Variants in ANKRD17 observed in about 807,000 individuals in gnomAD.
ANKRD17 encodes the protein ankyrin repeat domain 17, also known as ankyrin repeat domain-containing protein 17.
In ANKRD17, 19 loss-of-function variants were observed where a neutral mutation model predicts 229.7. The observed-to-expected ratio is 0.08, with a 90% CI of 0.06 to 0.12. The LOEUF (loss-of-function observed/expected upper bound fraction) is 0.12. Ranked by LOEUF, ANKRD17 falls within the 10% of genes least tolerant of loss-of-function variation. The pLI, the probability that ANKRD17 is intolerant of heterozygous loss-of-function variation, is 1.00. For missense variants in ANKRD17, 2,176 were observed against 3,176.8 expected (o/e 0.68, Z 7.57); for synonymous variants, 1,112 against 1,146.1 (o/e 0.97, Z 0.60).
chr4:73,124,341 G>T (rs995317014), intron 18 of ANKRD17, among the ~76,000 whole-genome samples: 23 of 135,044 alleles, frequency 1.7e-4, no homozygotes, highest in African/African-American at 6.2e-4. Context: ...AGATACATAA[G>T]TGAGTGTAAA....
intron 1 of ANKRD17, among the ~76,000 whole-genome samples, chr4:73,178,630 A>T (rs1255484236): frequency 6.6e-6 from 1 of 152,100 alleles, no homozygotes; most frequent in Non-Finnish European, 1.5e-5. Flanking sequence ...GTCAAGTAAC[A>T]TCTCAATATT....
rs113756573 is a variant in ANKRD17 at position 73,134,114 on chromosome 4, G to A, written c.3234+1003C>T. Among the ~76,000 whole-genome samples, 223 of 152,094 alleles carry A rather than the reference G, an allele frequency of 1.5e-3. 1 individual carries two copies. In the South Asian group the frequency reaches 0.016, roughly 11 times the overall value. ...ACAGACATTTGGCCAACAAGTAAGAGCAGAAATAAAATTCCTTTTTCATAG... is the reference window on the plus strand; with the variant it reads ...ACAGACATTTGGCCAACAAGTAAGAACAGAAATAAAATTCCTTTTTCATAG... On this transcript the variant is annotated intron_variant, in intron 16 of 33. Coordinates refer to ENST00000358602, the MANE Select transcript of ANKRD17 (RefSeq NM_032217.5).
At chr4:73,077,162 T>A (rs1577971344) in intron 32 of ANKRD17, 58 bp from the exon 33 acceptor site, 4 of 1,483,512 alleles carry the variant, frequency 2.7e-6, no homozygotes, top group Middle Eastern at 1.8e-4. Flanking sequence ...TTTCCCAATA[T>A]AATCAATAGC....
At chr4:73,119,305 C>G (rs1305635394) in intron 21 of ANKRD17, among the ~76,000 whole-genome samples, 1 of 152,146 alleles carries the variant, frequency 6.6e-6, no homozygotes. Flanking sequence ...ATGTCTTGCT[C>G]TCAGAATTAT....
intron 1 of ANKRD17, among the ~76,000 whole-genome samples, chr4:73,220,321 C>T (rs143397623): frequency 2.0e-5 from 3 of 152,092 alleles, no homozygotes; most frequent in East Asian, 1.9e-4. Context: ...GCAGAAGGAA[C>T]GGAAATACTT....
chr4:73,099,442 C>A (rs1476773664), intron 25 of ANKRD17, among the ~76,000 whole-genome samples: 1 of 152,206 alleles, frequency 6.6e-6, no homozygotes, highest in Non-Finnish European at 1.5e-5. Flanking sequence ...TCCCACTTAG[C>A]CACACCCTGC....
At chr4:73,163,373 T>A (rs904460541) in intron 2 of ANKRD17, among the ~76,000 whole-genome samples, 26 of 152,202 alleles carry the variant, frequency 1.7e-4, no homozygotes, top group African/African-American at 6.3e-4. Context: ...AGCACTGCTA[T>A]CGCTTGGGAG....
intron 1 of ANKRD17, among the ~76,000 whole-genome samples, chr4:73,236,614 A>G (rs191908428): frequency 4.3e-4 from 65 of 152,322 alleles, no homozygotes; most frequent in Admixed American, 1.2e-3. Context: ...TAATCTAACT[A>G]AAGTCCATGA....
Position 73,162,841 on chromosome 4 carries a change from T to C in ANKRD17, c.548-1493A>G, listed in dbSNP as rs183479089. Among the ~76,000 whole-genome samples, 128 of 151,962 alleles carry C rather than the reference T, an allele frequency of 8.4e-4. 1 individual carries two copies. The highest frequency in any genetic ancestry group is 3.4e-3 in the Middle Eastern group (1 of 294). Reference sequence around the variant, plus strand: ...AGCTGCCCATCAGCATCACTTGTGGTGCTTTTTTGTTTTGTTTTTGTTTTT... The same window carrying C: ...AGCTGCCCATCAGCATCACTTGTGGCGCTTTTTTGTTTTGTTTTTGTTTTT... On this transcript the variant is annotated intron_variant, in intron 2 of 33. Coordinates refer to ENST00000358602, the MANE Select transcript of ANKRD17 (RefSeq NM_032217.5).
intron 24 of ANKRD17, among the ~76,000 whole-genome samples, chr4:73,106,878 T>TAA (rs35011113): frequency 8.1e-5 from 4 of 49,250 alleles, no homozygotes; most frequent in Admixed American, 2.7e-4. Flanking sequence ...ACTCCGTCTT[T>TAA]AAAAAAAAAA....
Position 73,102,503 on chromosome 4 carries a change from T to G in ANKRD17, c.4446A>C (p.Glu1482Asp). ...SRRLALAAKR[E>D]KRKEKRRKKK... ...TCTTCCTTCTCTTCTCTTTTCTTTT[T>G]TCTCTTTTCGCAGCCAAAGCCAGCC... Residue 1482 changes from glutamate to aspartate, a missense_variant, in exon 25 of 34, where the codon GAA (glutamate) becomes GAC (aspartate). By Grantham distance (45) the Glu-to-Asp change is conservative. Transcript: ENST00000358602. The G allele has an allele frequency of 6.2e-7, 1 of 1,604,320 alleles. No homozygotes were observed. The highest frequency in any genetic ancestry group is 8.5e-7 in the Non-Finnish European group (1 of 1,178,200).
At chr4:73,078,543 A>C in intron 31 of ANKRD17, 99 bp downstream of exon 31, 1 of 1,388,624 alleles carries the variant, frequency 7.2e-7, no homozygotes, top group Non-Finnish European at 9.6e-7. Flanking sequence ...TCTCAAAAAA[A>C]GAAAAAAAAA....
rs778524927 is a variant in ANKRD17 at position 73,155,664 on chromosome 4, G to A, written c.967C>T (p.His323Tyr). The change falls in exon 5 of 34, where the codon CAT becomes TAT. Residue 323 changes from histidine (H) to tyrosine (Y), a missense_variant. Physicochemically the swap from His to Tyr is moderately conservative, Grantham distance 83. Transcript: ENST00000358602. ...GACTGTGCATTAACATCTGCTTTAT[G>A]AGCTAGCAGCAACTTCACAATTTTG... ...HVKIVKLLLA[H>Y]KADVNAQSST... 1.2e-6 allele frequency: 2 copies of A among 1,614,090 alleles called. No individual in the cohort carries two copies. The highest frequency in any genetic ancestry group is 1.7e-6 in the Non-Finnish European group (2 of 1,180,010).
chr4:73,205,613 C>T (rs1401861106), intron 1 of ANKRD17, among the ~76,000 whole-genome samples: 1 of 152,120 alleles, frequency 6.6e-6, no homozygotes, highest in African/African-American at 2.4e-5. Context: ...AAGACTTAAA[C>T]ATAAGCACTG....
chr4:73,250,684 G>GGTTTTT (rs938274356), intron 1 of ANKRD17, among the ~76,000 whole-genome samples: 16 of 148,162 alleles, frequency 1.1e-4, no homozygotes, highest in Non-Finnish European at 1.2e-4. Context: ...GTACTGTAAC[G>GGTTTTT]GTTTTTGTTG....
intron 1 of ANKRD17, among the ~76,000 whole-genome samples, chr4:73,199,171 T>C (rs1359117327): frequency 6.6e-6 from 1 of 151,948 alleles, no homozygotes; most frequent in Non-Finnish European, 1.5e-5. Flanking sequence ...CCTTTCTTCA[T>C]GGCTAATCAG....
intron 1 of ANKRD17, among the ~76,000 whole-genome samples, chr4:73,205,575 A>C (rs973787465): frequency 2.6e-5 from 4 of 152,208 alleles, no homozygotes; most frequent in Non-Finnish European, 4.4e-5. Flanking sequence ...TCTCACAACA[A>C]ATACAAAACT....
intron 1 of ANKRD17, among the ~76,000 whole-genome samples, chr4:73,204,140 C>T (rs911454931): frequency 6.6e-6 from 1 of 151,782 alleles, no homozygotes; most frequent in South Asian, 2.1e-4. Context: ...CGGGCGATCA[C>T]GAGGTCAGGT....
At chr4:73,136,365 C>T (rs1728894242) in intron 15 of ANKRD17, among the ~76,000 whole-genome samples, 1 of 152,002 alleles carries the variant, frequency 6.6e-6, no homozygotes, top group African/African-American at 2.4e-5. Context: ...ATGATCCTGT[C>T]AAGAATAAAA....
Sources: gnomAD v4.1 joint callset for allele counts (sites outside exome capture counted in the v4.1 genomes callset) on GRCh38, gnomAD v4.1.1 for gene constraint, MANE v1.5 for transcripts, NCBI Gene and HGNC (gene_info 2026-07-23, HGNC 2026-07-21) for gene names.